Variants in SLC30A9 observed in about 807,000 individuals in gnomAD.
SLC30A9 encodes solute carrier family 30 member 9.
SLC30A9 carries 58 observed loss-of-function variants against 87.5 expected under a neutral mutation model. The observed-to-expected ratio is 0.66, with a 90% CI of 0.54 to 0.82. The LOEUF is 0.82. Among genes scored for constraint, SLC30A9 ranks in the 40% least tolerant of loss-of-function variants. SLC30A9 has a pLI of 0.00. For synonymous variants in SLC30A9, 234 were observed against 233.0 expected (o/e 1.00, Z -0.04); for missense variants, 557 against 679.1 (o/e 0.82, Z 2.00).
At chr4:42,076,988 A>C (rs1171145024) in intron 16 of SLC30A9, among the ~76,000 whole-genome samples, 1 of 151,804 alleles carries the variant, frequency 6.6e-6, no homozygotes, top group African/African-American at 2.4e-5. Context: ...GAAAGAAACA[A>C]TGCCATGATT....
At chr4:42,079,120 A>G (rs1718665322) in intron 17 of SLC30A9, among the ~76,000 whole-genome samples, 1 of 152,124 alleles carries the variant, frequency 6.6e-6, no homozygotes, top group Non-Finnish European at 1.5e-5. Flanking sequence ...TGAATTTTCT[A>G]GATGATATTT....
intron 8 of SLC30A9, among the ~76,000 whole-genome samples, chr4:42,042,698 A>C (rs968082063): frequency 1.3e-5 from 2 of 152,090 alleles, no homozygotes; most frequent in South Asian, 4.1e-4. Context: ...AGAGCAGCGG[A>C]TCTCCCAGCA....
chr4:41,999,633 CA>C (rs773255133), intron 1 of SLC30A9, among the ~76,000 whole-genome samples: 9 of 150,178 alleles, frequency 6.0e-5, no homozygotes, highest in East Asian at 2.0e-4. Context: ...ACTACCAGGA[CA>C]AAAATTCAGG....
intron 15 of SLC30A9, among the ~76,000 whole-genome samples, chr4:42,072,583 A>G (rs1468779321): frequency 6.6e-6 from 1 of 151,886 alleles, no homozygotes; most frequent in Non-Finnish European, 1.5e-5. Context: ...TTGATTTATT[A>G]TTTTGTTCTA....
chr4:42,001,159 T>TC (rs1714967172), intron 1 of SLC30A9, among the ~76,000 whole-genome samples: 1 of 152,036 alleles, frequency 6.6e-6, no homozygotes, highest in African/African-American at 2.4e-5. Context: ...GATTAAAAAA[T>TC]CGGTGACAGT....
intron 2 of SLC30A9, among the ~76,000 whole-genome samples, chr4:42,006,141 A>C (rs563494532): frequency 6.6e-6 from 1 of 152,346 alleles, no homozygotes; most frequent in African/African-American, 2.4e-5. Context: ...TTTAAAGTAC[A>C]TGGGAGGATG....
intron 1 of SLC30A9, among the ~76,000 whole-genome samples, chr4:42,001,224 C>A (rs1188399699): frequency 4.6e-5 from 7 of 152,028 alleles, no homozygotes; most frequent in Non-Finnish European, 8.8e-5. Context: ...AGGAATAAAT[C>A]TTTAGCTAGT....
intron 1 of SLC30A9, among the ~76,000 whole-genome samples, chr4:41,991,857 T>C (rs1202475416): frequency 6.6e-6 from 1 of 152,224 alleles, no homozygotes; most frequent in African/African-American, 2.4e-5. Context: ...GTAACTATGC[T>C]GTGGATATAA....
chr4:41,993,163 G>A lies in SLC30A9; in HGVS notation c.109+2403G>A, dbSNP rs537153006. ...ATATCCTAGAATTAATTTTAATAAC[G>A]AAATTTATATATTTTAATAATAAAA... On this transcript the variant is annotated intron_variant, in intron 1 of 17. Transcript: ENST00000264451. 7.3e-5 allele frequency among the ~76,000 whole-genome samples: 11 copies of A among 150,000 alleles called. No homozygotes were observed. The East Asian group carries it at 1.4e-3, about 19-fold the overall frequency.
At chr4:42,010,456 G>A (rs780110927) in intron 2 of SLC30A9, among the ~76,000 whole-genome samples, 14 of 152,076 alleles carry the variant, frequency 9.2e-5, no homozygotes, top group Non-Finnish European at 1.8e-4. Flanking sequence ...CAGCCTGGGC[G>A]ACACAGCAAG....
intron 17 of SLC30A9, among the ~76,000 whole-genome samples, chr4:42,081,306 CT>C (rs963098029): frequency 5.3e-5 from 8 of 150,866 alleles, no homozygotes; most frequent in Non-Finnish European, 7.4e-5. Context: ...ATGAAACTGG[CT>C]TTTTTTTTAA....
At chr4:42,052,117 A>G (rs1717405409) in intron 9 of SLC30A9, among the ~76,000 whole-genome samples, 1 of 152,072 alleles carries the variant, frequency 6.6e-6, no homozygotes, top group South Asian at 2.1e-4. Flanking sequence ...TTGCATTTCT[A>G]CTATCAGCAA....
At chr4:42,000,216 A>G (rs1714920808) in intron 1 of SLC30A9, among the ~76,000 whole-genome samples, 1 of 134,990 alleles carries the variant, frequency 7.4e-6, no homozygotes, top group South Asian at 2.7e-4. Context: ...ATTCTATGAA[A>G]ATATTTCATC....
At chr4:42,040,276 G>A (rs1472242078) in intron 8 of SLC30A9, among the ~76,000 whole-genome samples, 1 of 152,190 alleles carries the variant, frequency 6.6e-6, no homozygotes, top group Non-Finnish European at 1.5e-5. Flanking sequence ...TACAGGGATA[G>A]TGATTATAGC....
intron 11 of SLC30A9, among the ~76,000 whole-genome samples, chr4:42,064,686 G>C (rs536070460): frequency 6.6e-6 from 1 of 152,132 alleles, no homozygotes; most frequent in Admixed American, 6.5e-5. Context: ...TTTCAGTTGT[G>C]TATAAGTTTT....
At chr4:42,050,616 T>C (rs1717346802) in intron 9 of SLC30A9, among the ~76,000 whole-genome samples, 1 of 152,196 alleles carries the variant, frequency 6.6e-6, no homozygotes, top group Admixed American at 6.5e-5. Flanking sequence ...CCATGATAAA[T>C]TGAGTAAAAA....
Position 42,081,102 on chromosome 4 carries a change from T to A in SLC30A9, c.1662+2777T>A, listed in dbSNP as rs73812711. Reference sequence around the variant, plus strand: ...TGCCTGCCAAATACCCAAATTTGAATAAACCGAGTTTGTTAATCTTTCAAA... The same window carrying A: ...TGCCTGCCAAATACCCAAATTTGAAAAAACCGAGTTTGTTAATCTTTCAAA... On this transcript the variant is annotated intron_variant, in intron 17 of 17. Coordinates refer to ENST00000264451, the MANE Select transcript of SLC30A9 (RefSeq NM_006345.4). Among the ~76,000 whole-genome samples, 976 of 152,342 alleles carry A rather than the reference T, an allele frequency of 6.4e-3. 15 individuals are homozygous for A. The highest frequency in any genetic ancestry group is 0.023 in the African/African-American group (939 of 41,574).
At chr4:42,061,042 C>A (rs1717826195) in intron 10 of SLC30A9, among the ~76,000 whole-genome samples, 1 of 152,010 alleles carries the variant, frequency 6.6e-6, no homozygotes, top group Non-Finnish European at 1.5e-5. Context: ...AGTGTTTTAC[C>A]ATCTTAAGAA....
At chr4:42,084,270 T>C (rs1318339253) in intron 17 of SLC30A9, among the ~76,000 whole-genome samples, 1 of 152,190 alleles carries the variant, frequency 6.6e-6, no homozygotes, top group African/African-American at 2.4e-5. Context: ...AGTATGTCTT[T>C]ATTTATTGCC....
Sources: gnomAD v4.1 joint callset for allele counts (sites outside exome capture counted in the v4.1 genomes callset) on GRCh38, gnomAD v4.1.1 for gene constraint, MANE v1.5 for transcripts, NCBI Gene and HGNC (gene_info 2026-07-23, HGNC 2026-07-21) for gene names.